The following WIPF1 variants were observed in gnomAD, a reference collection of about 807,000 sequenced individuals.
WIPF1 encodes WAS/WASL-interacting protein family member 1.
In WIPF1, 13 loss-of-function variants were observed where a neutral mutation model predicts 35.4. That is an observed-to-expected ratio of 0.37 (90% CI 0.24 to 0.58). The LOEUF is 0.58. WIPF1 is among the 20% of genes least tolerant of loss of function. The pLI, the probability that WIPF1 is intolerant of heterozygous loss-of-function variation, is 0.74. For missense variants in WIPF1, 591 were observed against 667.0 expected (o/e 0.89, Z 1.25); for synonymous variants, 267 against 266.3 (o/e 1.00, Z -0.02).
exon 1 of WIPF1, chr2:174,682,895 G>C (rs1346687364): frequency 6.6e-6 from 1 of 152,172 alleles, no homozygotes; most frequent in East Asian, 1.9e-4. Flanking sequence ...GCGCCGGGAG[G>C]CTGCGACCAT....
intron 1 of WIPF1, among the ~76,000 whole-genome samples, chr2:174,603,211 G>A (rs1474620632): frequency 6.6e-6 from 1 of 152,204 alleles, no homozygotes; most frequent in African/African-American, 2.4e-5. Context: ...GGTGTTGTTG[G>A]TTGAGCCCTG....
At chr2:174,637,766 G>A (rs542190077) in intron 1 of WIPF1, among the ~76,000 whole-genome samples, 9 of 152,296 alleles carry the variant, frequency 5.9e-5, no homozygotes, top group South Asian at 2.1e-4. Flanking sequence ...CAGCCTGGGC[G>A]ATGGAGCGAG....
intron 1 of WIPF1, among the ~76,000 whole-genome samples, chr2:174,589,339 C>T (rs1301300508): frequency 6.6e-6 from 1 of 152,260 alleles, no homozygotes; most frequent in African/African-American, 2.4e-5. Context: ...CCCCACCGCA[C>T]TGTGAGATCT....
intron 1 of WIPF1, among the ~76,000 whole-genome samples, chr2:174,660,627 T>C (rs1559175359): frequency 6.6e-6 from 1 of 152,128 alleles, no homozygotes; most frequent in Non-Finnish European, 1.5e-5. Context: ...TGCTCACTGC[T>C]TGAGGCACAG....
At position 174,575,275 on chromosome 2, in the gene WIPF1, C is replaced by G; in HGVS notation, c.287G>C (p.Gly96Ala). ...GGGGGSFGGG[G>A]PPGLGGLFQA... ...GAACAATCCTCCCAGACCTGGAGGT[C>G]CGCCCCCTCCAAAACTTCCACCGCC... The change falls in exon 4 of 8, where the codon GGA becomes GCA. Residue 96 changes from glycine to alanine, a missense_variant. Physicochemically the swap from Gly to Ala is moderately conservative, Grantham distance 60. This residue lies in a region of WIPF1 where 471 missense variants were observed against 501.1 expected (regional missense o/e 0.94). Coordinates refer to ENST00000679041, the MANE Select transcript of WIPF1 (RefSeq NM_001375834.1). 1 of 1,613,870 alleles carries G rather than the reference C, an allele frequency of 6.2e-7. No homozygotes were observed. Among genetic ancestry groups the G allele is most frequent in the Non-Finnish European group, 8.5e-7 (1 of 1,179,920 alleles).
intron 5 of WIPF1, chr2:174,568,939 T>A (rs1052002036): frequency 1.3e-5 from 2 of 152,132 alleles, no homozygotes; most frequent in African/African-American, 4.8e-5. Flanking sequence ...TTCAAGGAAA[T>A]TTTTTTGATA....
chr2:174,631,770 G>T (rs1687029896), intron 1 of WIPF1, among the ~76,000 whole-genome samples: 1 of 152,182 alleles, frequency 6.6e-6, no homozygotes, highest in African/African-American at 2.4e-5. Context: ...CGATACCAAG[G>T]ATGAGTTCAG....
At chr2:174,633,332 T>C (rs1377320180) in intron 1 of WIPF1, among the ~76,000 whole-genome samples, 1 of 152,114 alleles carries the variant, frequency 6.6e-6, no homozygotes, top group Non-Finnish European at 1.5e-5. Flanking sequence ...TCGTTGTTTA[T>C]CATACAGACA....
At chr2:174,592,669 G>T (rs1258775072) in intron 1 of WIPF1, among the ~76,000 whole-genome samples, 1 of 148,132 alleles carries the variant, frequency 6.8e-6, no homozygotes, top group Non-Finnish European at 1.5e-5. Context: ...GCAGTGGTAC[G>T]ATCTTGGCTC....
chr2:174,638,656 T>C (rs1203521772), intron 1 of WIPF1, among the ~76,000 whole-genome samples: 2 of 152,212 alleles, frequency 1.3e-5, no homozygotes, highest in African/African-American at 4.8e-5. Flanking sequence ...GTTATCTGTC[T>C]TTCTGTGTCT....
chr2:174,586,680 C>A (rs1685433792), intron 1 of WIPF1, among the ~76,000 whole-genome samples: 1 of 152,156 alleles, frequency 6.6e-6, no homozygotes, highest in African/African-American at 2.4e-5. Context: ...CTGTCTAGGA[C>A]AACGCCTCAC....
intron 1 of WIPF1, among the ~76,000 whole-genome samples, chr2:174,591,154 G>GA (rs1476027306): frequency 1.1e-4 from 17 of 152,200 alleles, no homozygotes; most frequent in African/African-American, 4.1e-4. Flanking sequence ...AAGACGCAGT[G>GA]AGAAGGTGGC....
At chr2:174,592,545 A>C (rs768540238) in intron 1 of WIPF1, among the ~76,000 whole-genome samples, 3 of 152,082 alleles carry the variant, frequency 2.0e-5, no homozygotes, top group Non-Finnish European at 4.4e-5. Flanking sequence ...GGATAGATTC[A>C]AAAATCCAAC....
intron 1 of WIPF1, among the ~76,000 whole-genome samples, chr2:174,668,539 AG>A (rs1687941330): frequency 6.6e-6 from 1 of 152,234 alleles, no homozygotes; most frequent in South Asian, 2.1e-4. Context: ...GTGACACTCT[AG>A]GAAGATTTTC....
intron 1 of WIPF1, among the ~76,000 whole-genome samples, chr2:174,647,615 G>A (rs892526470): frequency 6.8e-5 from 10 of 146,862 alleles, no homozygotes; most frequent in African/African-American, 1.8e-4. Context: ...CTCGTGATCC[G>A]TGCCCCCTTG....
intron 1 of WIPF1, among the ~76,000 whole-genome samples, chr2:174,612,304 A>T (rs1686371964): frequency 6.6e-6 from 1 of 152,126 alleles, no homozygotes; most frequent in Non-Finnish European, 1.5e-5. Flanking sequence ...ATGGGATCAT[A>T]CTTTGGATGT....
intron 1 of WIPF1, among the ~76,000 whole-genome samples, chr2:174,674,762 G>A (rs902919699): frequency 6.6e-6 from 1 of 152,146 alleles, no homozygotes; most frequent in East Asian, 1.9e-4. Context: ...AATGAATTAT[G>A]CTGGCAAAGA....
At chr2:174,616,849 T>A (rs1056323838) in intron 1 of WIPF1, among the ~76,000 whole-genome samples, 2 of 152,354 alleles carry the variant, frequency 1.3e-5, no homozygotes, top group African/African-American at 2.4e-5. Flanking sequence ...TAAATTCTTT[T>A]CAATCCTGGC....
At chr2:174,650,608 C>A (rs1687515161) in intron 1 of WIPF1, among the ~76,000 whole-genome samples, 1 of 152,208 alleles carries the variant, frequency 6.6e-6, no homozygotes, top group Non-Finnish European at 1.5e-5. Flanking sequence ...GATTGACTCT[C>A]TTTAGCTTTT....
Sources: allele counts gnomAD v4.1 joint callset (sites outside exome capture counted in the v4.1 genomes callset), GRCh38; gene constraint gnomAD v4.1.1; regional missense constraint gnomAD v4.1.1; transcripts MANE v1.5; gene names NCBI Gene and HGNC (gene_info 2026-07-23, HGNC 2026-07-21).